OPHN1: variants seen among roughly 807,000 people sequenced by gnomAD.
OPHN1 encodes oligophrenin 1, also known as oligophrenin-1.
OPHN1 carries 11 observed loss-of-function variants against 60.7 expected under a neutral mutation model. That is an observed-to-expected ratio of 0.18 (90% confidence interval 0.11 to 0.30). The LOEUF (loss-of-function observed/expected upper bound fraction) is 0.30, where lower values mean the gene tolerates loss of function less well. Among genes scored for constraint, OPHN1 ranks in the 10% least tolerant of loss-of-function variants. The probability of loss-of-function intolerance (pLI) is 1.00; values close to 1 mark genes in which losing one functional copy is unlikely to be tolerated. For missense variants in OPHN1, 449 were observed against 611.0 expected (o/e 0.73, Z 2.80); for synonymous variants, 226 against 222.6 (o/e 1.02, Z -0.14).
chrX:68,106,318 A>C (rs1018354579), intron 18 of OPHN1, among the ~76,000 whole-genome samples: 1 of 110,110 alleles, frequency 9.1e-6, no homozygotes, highest in African/African-American at 3.3e-5. Flanking sequence ...CATACCCTTC[A>C]GAATGGTAGC....
chrX:68,314,007 AT>A (rs765546569), intron 2 of OPHN1, among the ~76,000 whole-genome samples: 1 of 111,180 alleles, frequency 9.0e-6, no homozygotes, highest in African/African-American at 3.3e-5. Context: ...AAAAAATTAA[AT>A]TTTTTTAAAA....
intron 21 of OPHN1, among the ~76,000 whole-genome samples, chrX:68,061,164 T>C (rs2076891518): frequency 8.9e-6 from 1 of 111,914 alleles, no homozygotes; most frequent in African/African-American, 3.2e-5. Context: ...TGCTAACTGA[T>C]TGAAAGCAGA....
chrX:68,077,079 A>G (rs946226072), intron 19 of OPHN1, among the ~76,000 whole-genome samples: 1 of 111,849 alleles, frequency 8.9e-6, no homozygotes. Flanking sequence ...AAAGAAAATG[A>G]AATAGCTTGT....
chrX:68,433,073 C>A, intron 1 of OPHN1, 49 bp from the exon 2 acceptor site: 1 of 1,114,214 alleles, frequency 9.0e-7, no homozygotes, highest in Non-Finnish European at 1.2e-6. Context: ...AGACCGAGAG[C>A]ATCAATGGCA....
At chrX:68,431,708 G>A (rs964150193) in intron 2 of OPHN1, among the ~76,000 whole-genome samples, 2 of 110,679 alleles carry the variant, frequency 1.8e-5, no homozygotes, top group East Asian at 2.9e-4. Context: ...GATTACAGGC[G>A]TGAGCCACCT....
intron 10 of OPHN1, among the ~76,000 whole-genome samples, chrX:68,205,527 T>A (rs1195860663): frequency 9.0e-6 from 1 of 111,642 alleles, no homozygotes; most frequent in Admixed American, 9.5e-5. Context: ...CAACATCTTT[T>A]ACAAGTCCAT....
chrX:68,290,199 C>CACTTCA (rs1331983704), intron 3 of OPHN1, among the ~76,000 whole-genome samples: 3 of 111,306 alleles, frequency 2.7e-5, no homozygotes, highest in African/African-American at 9.8e-5. Context: ...GTGGCTCATG[C>CACTTCA]CTATAATCCC....
chrX:68,169,556 C>T (rs1225889529), intron 15 of OPHN1, among the ~76,000 whole-genome samples: 1 of 108,528 alleles, frequency 9.2e-6, no homozygotes, highest in African/African-American at 3.4e-5. Context: ...GTAACCAAAA[C>T]AGCATGGTAC....
chrX:68,133,159 GA>G (rs1161957262), intron 15 of OPHN1: 1 of 724,632 alleles, frequency 1.4e-6, no homozygotes, highest in African/African-American at 2.1e-5. Context: ...TTCTTAATCA[GA>G]GTGAAGCTTG....
chrX:68,344,117 C>T (rs375214530), intron 2 of OPHN1, among the ~76,000 whole-genome samples: 1 of 111,832 alleles, frequency 8.9e-6, no homozygotes, highest in South Asian at 3.8e-4. Flanking sequence ...GTTGTCAACC[C>T]TTTGGCCAGG....
At chrX:68,400,600 T>C (rs1206837669) in intron 2 of OPHN1, among the ~76,000 whole-genome samples, 1 of 104,019 alleles carries the variant, frequency 9.6e-6, no homozygotes, top group Non-Finnish European at 2.0e-5. Context: ...TTTTTCTTTT[T>C]TCTTTTTTCT....
chrX:68,433,071 A>G (rs780597873), intron 1 of OPHN1, 47 bp from the exon 2 acceptor site: 1 of 1,121,497 alleles, frequency 8.9e-7, no homozygotes, highest in East Asian at 3.2e-5. Context: ...AAAGACCGAG[A>G]GCATCAATGG....
chrX:68,301,375 G>A (rs2078119344), intron 2 of OPHN1, among the ~76,000 whole-genome samples: 1 of 104,116 alleles, frequency 9.6e-6, no homozygotes, highest in East Asian at 3.0e-4. Flanking sequence ...GAACCTGGGA[G>A]GTGGAGGTTG....
intron 5 of OPHN1, among the ~76,000 whole-genome samples, chrX:68,255,880 C>T (rs1032003581): frequency 1.8e-5 from 2 of 111,260 alleles, no homozygotes; most frequent in African/African-American, 6.5e-5. Context: ...ATTTATTATT[C>T]CTCCCAAATA....
intron 15 of OPHN1, among the ~76,000 whole-genome samples, chrX:68,136,539 G>A (rs1199213894): frequency 5.4e-5 from 6 of 110,266 alleles, no homozygotes; most frequent in Non-Finnish European, 7.6e-5. Flanking sequence ...TCCTGACCTC[G>A]TGATCCGCCC....
chrX:68,350,493 TTCC>T (rs1338511699), intron 2 of OPHN1, among the ~76,000 whole-genome samples: 1 of 77,210 alleles, frequency 1.3e-5, no homozygotes, highest in Non-Finnish European at 2.4e-5. Context: ...CCTTCCTCCC[TTCC>T]TCCTTTCCTT....
intron 2 of OPHN1, among the ~76,000 whole-genome samples, chrX:68,394,732 T>C (rs1056339653): frequency 9.0e-6 from 1 of 111,163 alleles, no homozygotes; most frequent in African/African-American, 3.3e-5. Context: ...CTGCAACCTC[T>C]GCCTGCCAGG....
intron 19 of OPHN1, among the ~76,000 whole-genome samples, chrX:68,075,647 G>A (rs780326564): frequency 7.2e-5 from 8 of 110,591 alleles, no homozygotes; most frequent in Admixed American, 1.9e-4. Flanking sequence ...TAGGTGAATA[G>A]ATCAATGGAA....
chrX:68,374,464 GTTTTT>G (rs1398488675), intron 2 of OPHN1, among the ~76,000 whole-genome samples: 1 of 109,761 alleles, frequency 9.1e-6, no homozygotes, highest in Non-Finnish European at 1.9e-5. Flanking sequence ...GTTTTGTTTT[GTTTTT>G]GAGACAGGGT....
Sources: allele counts gnomAD v4.1 joint callset (sites outside exome capture counted in the v4.1 genomes callset), GRCh38; gene constraint gnomAD v4.1.1; transcripts MANE v1.5; gene names NCBI Gene and HGNC (gene_info 2026-07-23, HGNC 2026-07-21).